MICAL3: variants seen among roughly 807,000 people sequenced by gnomAD.
MICAL3 encodes [F-actin]-monooxygenase MICAL3.
MICAL3 carries 62 observed loss-of-function variants against 207.4 expected under a neutral mutation model. That is an observed-to-expected ratio of 0.30 (90% CI 0.24 to 0.37). The LOEUF is 0.37. Ranked by LOEUF, MICAL3 falls within the 10% of genes least tolerant of loss-of-function variation. The pLI is 1.00. For missense variants in MICAL3, 2,368 were observed against 2,635.6 expected, an observed-to-expected ratio of 0.90 and a Z score of 2.22; for synonymous variants, 1,077 against 1,069.3, an observed-to-expected ratio of 1.01 and a Z score of -0.14.
At chr22:17,982,735 A>ACAAAC (rs1569156815) in intron 1 of MICAL3, among the ~76,000 whole-genome samples, 1 of 129,508 alleles carries the variant, frequency 7.7e-6, no homozygotes, top group African/African-American at 2.9e-5. Flanking sequence ...ATAACATAAA[A>ACAAAC]ATAAAATAAA....
chr22:17,883,867 A>G (rs62240577), intron 16 of MICAL3, among the ~76,000 whole-genome samples: 6,058 of 152,226 alleles, frequency 0.04, 138 homozygotes, highest in Middle Eastern at 0.058. Flanking sequence ...TTTAATGTAA[A>G]AGGCTCTACA....
rs111347391 is a variant in MICAL3 at position 17,802,503 on chromosome 22, T to A, written c.5650+6341A>T. Among the ~76,000 whole-genome samples the A allele has an allele frequency of 5.3e-3, 813 of 152,044 alleles. 6 individuals carry two copies. The highest frequency in any genetic ancestry group is 0.018 in the African/African-American group (758 of 41,430). On this transcript the variant is annotated intron_variant, in intron 29 of 31. Transcript: ENST00000441493. ...CACCAGTGGTCGTTGAGTGTGGAGG[T>A]CTCTGAACACACCAGAAGCCCTGGG...
At position 17,817,529 on chromosome 22, in the gene MICAL3, T is replaced by G. The variant is rs1333139986; in HGVS notation, c.5132A>C (p.Glu1711Ala). 1 of 1,613,580 alleles carries G rather than the reference T, an allele frequency of 6.2e-7. No homozygotes were observed. The highest frequency in any genetic ancestry group is 1.3e-5 in the African/African-American group (1 of 75,012). The change falls in exon 26 of 32, where the codon GAG (glutamate) becomes GCG (alanine). Residue 1711 changes from glutamate to alanine, a missense_variant. This residue lies in a region of MICAL3 where 1,770 missense variants were observed against 1,863.2 expected (regional missense o/e 0.95). Coordinates refer to ENST00000441493, the MANE Select transcript of MICAL3 (RefSeq NM_015241.3). ...SLFSPRRNKK[E>A]KKSKGEGRPP... ...CCGGCCCTCGCCTTTGGACTTCTTC[T>G]CCTTCTTGTTTCTGCGGGGGGAGAA...
intron 27 of MICAL3, among the ~76,000 whole-genome samples, chr22:17,811,682 T>C (rs573898044): frequency 2.6e-5 from 4 of 152,264 alleles, no homozygotes; most frequent in East Asian, 1.9e-4. Flanking sequence ...GGGGCAAAGA[T>C]TGGGGATTTG....
intron 16 of MICAL3, chr22:17,876,901 GGGAGGTTAGGGAGGTTAT>G (rs1928550376): frequency 1.5e-4 from 6 of 40,482 alleles, no homozygotes; most frequent in African/African-American, 3.4e-4. Flanking sequence ...ATGGAGGTTA[GGGAGGTTAGGGAGGTTAT>G]GGAGGTTAGG....
At chr22:17,876,878 GGTTAGGGAGGTTAT>G (rs1928540984) in intron 16 of MICAL3, 1 of 140,932 alleles carries the variant, frequency 7.1e-6, no homozygotes, top group Non-Finnish European at 1.5e-5. Context: ...AGGTTAGGGA[GGTTAGGGAGGTTAT>G]GGAGGTTAGG....
At position 17,889,220 on chromosome 22, in the gene MICAL3, A is replaced by C. The variant is rs565170905; in HGVS notation, c.1705T>G (p.Ser569Ala). ...RYRPDLIDFD[S>A]LDEQNVEKNN... ...TTCTCCACATTTTGCTCATCCAAAGAATCAAAATCTCTGAGAAACAGGACA... is the reference window on the plus strand; with the variant it reads ...TTCTCCACATTTTGCTCATCCAAAGCATCAAAATCTCTGAGAAACAGGACA... Residue 569 changes from serine (S) to alanine (A), a missense_variant, in exon 13 of 32, where the codon TCT (serine) becomes GCT (alanine). Physicochemically the swap from Ser to Ala is moderately conservative, Grantham distance 99 (BLOSUM62 1). Coordinates refer to ENST00000441493, the MANE Select transcript of MICAL3 (RefSeq NM_015241.3). 2 of 1,610,532 alleles carry C rather than the reference A, an allele frequency of 1.2e-6. No individual in the cohort carries two copies. The highest frequency in any genetic ancestry group is 2.7e-5 in the African/African-American group (2 of 74,994).
intron 1 of MICAL3, among the ~76,000 whole-genome samples, chr22:17,986,055 C>T (rs1423362473): frequency 8.5e-5 from 13 of 152,242 alleles, no homozygotes; most frequent in East Asian, 3.9e-4. Flanking sequence ...TACAGGCACC[C>T]GCCACCATGC....
At chr22:17,857,332 G>C (rs972280801) in intron 19 of MICAL3, among the ~76,000 whole-genome samples, 1 of 152,184 alleles carries the variant, frequency 6.6e-6, no homozygotes. Flanking sequence ...GTGAGCATGT[G>C]AGGGACCCAC....
At chr22:17,851,190 C>T (rs555362570) in intron 19 of MICAL3, among the ~76,000 whole-genome samples, 6 of 152,258 alleles carry the variant, frequency 3.9e-5, no homozygotes, top group South Asian at 2.1e-4. Context: ...ATACGTGGCT[C>T]GTGAACCGGG....
At chr22:17,812,442 G>C in intron 27 of MICAL3, 1 of 884,156 alleles carries the variant, frequency 1.1e-6, no homozygotes, top group Non-Finnish European at 1.4e-6. Flanking sequence ...GGCCGGGGCC[G>C]GCGCCGGGTG....
intron 1 of MICAL3, among the ~76,000 whole-genome samples, chr22:17,927,393 G>C (rs1163880086): frequency 6.6e-6 from 1 of 152,092 alleles, no homozygotes; most frequent in East Asian, 1.9e-4. Flanking sequence ...CATAAACATG[G>C]GGACACAAAT....
At position 17,841,752 on chromosome 22, in the gene MICAL3, A is replaced by T; in HGVS notation, c.2801+70T>A. 1 of 1,473,752 alleles carries T rather than the reference A, an allele frequency of 6.8e-7. No individual in the cohort carries two copies. The highest frequency in any genetic ancestry group is 9.2e-7 in the Non-Finnish European group (1 of 1,085,918). The allele number at this position is 1,473,752 out of a possible 1,614,324, so 91.3% of individuals were successfully genotyped here. ...GCCTCCCTTCACTGAGAAGAAACCG[A>T]GACACACAGAGGTGAGGAGGCTCTT... On this transcript the variant is annotated intron_variant, in intron 20 of 31. Transcript: ENST00000441493. The surrounding 1 kb of genome is among the most constrained non-coding windows in gnomAD (Gnocchi z 4.2).
chr22:17,801,004 G>C (rs983521155), intron 29 of MICAL3, among the ~76,000 whole-genome samples: 2 of 152,164 alleles, frequency 1.3e-5, no homozygotes, highest in Non-Finnish European at 2.9e-5. Context: ...CACGTGGTGG[G>C]CAGAACCCGA....
intron 1 of MICAL3, among the ~76,000 whole-genome samples, chr22:17,992,855 C>T (rs1226037050): frequency 6.6e-6 from 1 of 152,142 alleles, no homozygotes; most frequent in East Asian, 1.9e-4. Context: ...TGGCCCTTTA[C>T]CTCACTGGAA....
intron 16 of MICAL3, chr22:17,872,950 T>TG (rs1413401785): frequency 1.2e-6 from 1 of 821,242 alleles, no homozygotes; most frequent in Non-Finnish European, 2.0e-6. Context: ...AAGAAATCTT[T>TG]GGGAAGTGCA....
chr22:18,002,116 T>C (rs1288092577), intron 1 of MICAL3, among the ~76,000 whole-genome samples: 5 of 152,062 alleles, frequency 3.3e-5, no homozygotes, highest in Admixed American at 2.6e-4. Flanking sequence ...GAGAATCACT[T>C]GAACCCGGGA....
chr22:17,880,721 G>A (rs5992129), intron 16 of MICAL3, among the ~76,000 whole-genome samples: 2,005 of 152,352 alleles, frequency 0.013, 39 homozygotes, highest in African/African-American at 0.045. Flanking sequence ...TGGCGTGCAA[G>A]TGCAGTGGGG....
chr22:17,818,137 CTCCTCT>C lies in MICAL3; in HGVS notation c.4518_4523del (p.Glu1507_Glu1508del). 1 of 1,608,750 alleles carries C rather than the reference CTCCTCT, an allele frequency of 6.2e-7. No individual in the cohort carries two copies. The highest frequency in any genetic ancestry group is 1.3e-5 in the African/African-American group (1 of 74,884). ...CGCTCTCCACAAACGACTTCCGCAC[CTCCTCT>C]CTGGGGGGCTGAGCAGGCTCCCGGG... On this transcript the variant is annotated inframe_deletion, in exon 26 of 32. Coordinates refer to ENST00000441493, the MANE Select transcript of MICAL3 (RefSeq NM_015241.3).
Sources: allele counts gnomAD v4.1 joint callset (sites outside exome capture counted in the v4.1 genomes callset), GRCh38; gene constraint gnomAD v4.1.1; regional missense constraint gnomAD v4.1.1; non-coding constraint Gnocchi (gnomAD v3.1); transcripts MANE v1.5; gene names NCBI Gene and HGNC (gene_info 2026-07-23, HGNC 2026-07-21).